Variants in PTPRT observed in about 807,000 individuals in gnomAD.
PTPRT encodes the protein receptor-type tyrosine-protein phosphatase T.
A neutral mutation model predicts 176.8 loss-of-function variants in PTPRT; 56 were observed. The observed-to-expected ratio is 0.32, with a 90% CI of 0.26 to 0.40. PTPRT has a LOEUF of 0.40. PTPRT is among the 10% of genes least tolerant of loss of function. The pLI is 1.00. For missense variants in PTPRT, 1,540 were observed against 1,908.2 expected, an observed-to-expected ratio of 0.81 and a Z score of 3.60; for synonymous variants, 783 against 739.0, an observed-to-expected ratio of 1.06 and a Z score of -0.96.
At chr20:42,755,391 T>G (rs2076816980) in intron 6 of PTPRT, among the ~76,000 whole-genome samples, 1 of 152,204 alleles carries the variant, frequency 6.6e-6, no homozygotes, top group African/African-American at 2.4e-5. Flanking sequence ...GGGTTTTTTT[T>G]GTTTGCTTTT....
rs6072729 is a variant in PTPRT, at chr20:42,402,984, G to A, written c.1560+45236C>T. Among the ~76,000 whole-genome samples, 573 of 152,182 alleles carry A rather than the reference G, an allele frequency of 3.8e-3. 4 individuals are homozygous for A. Among genetic ancestry groups the A allele is most frequent in the African/African-American group, 0.013 (534 of 41,530 alleles). On this transcript the variant is annotated intron_variant, in intron 9 of 30. Coordinates refer to ENST00000373187, the MANE Select transcript of PTPRT (RefSeq NM_007050.6). ...TATAAAAATGGCACAGTTTTAAGAAGGCAATCATTATTTAATTATTCTCAA... is the reference window on the plus strand; with the variant it reads ...TATAAAAATGGCACAGTTTTAAGAAAGCAATCATTATTTAATTATTCTCAA...
chr20:42,277,089 G>A (rs571778570), intron 13 of PTPRT, among the ~76,000 whole-genome samples: 8 of 152,098 alleles, frequency 5.3e-5, no homozygotes, highest in Admixed American at 2.6e-4. Context: ...GAACAATGGC[G>A]TTAGTCCATC....
chr20:42,989,340 G>C (rs948542711), intron 1 of PTPRT, among the ~76,000 whole-genome samples: 1 of 152,238 alleles, frequency 6.6e-6, no homozygotes, highest in Non-Finnish European at 1.5e-5. Flanking sequence ...ACAGAGATCA[G>C]GAAATATTTG....
chr20:42,119,200 TG>T (rs749732871), intron 20 of PTPRT, among the ~76,000 whole-genome samples: 26 of 152,090 alleles, frequency 1.7e-4, no homozygotes, highest in Non-Finnish European at 2.5e-4. Flanking sequence ...TATGTATATG[TG>T]TGTATTTACT....
intron 15 of PTPRT, among the ~76,000 whole-genome samples, chr20:42,201,963 G>GTGTGTGTGTGTGTGTA: frequency 6.6e-6 from 1 of 151,382 alleles, no homozygotes; most frequent in East Asian, 2.0e-4. Flanking sequence ...GTGTGTGTGT[G>GTGTGTGTGTGTGTGTA]TGTGTGTGTG....
chr20:42,098,173 A>G (rs1345313368), intron 27 of PTPRT, among the ~76,000 whole-genome samples: 1 of 152,006 alleles, frequency 6.6e-6, no homozygotes, highest in Admixed American at 6.6e-5. Context: ...GGAGCAACAG[A>G]GTCTGGTCCC....
At chr20:42,206,291 G>T (rs1017145682) in intron 15 of PTPRT, among the ~76,000 whole-genome samples, 3 of 152,238 alleles carry the variant, frequency 2.0e-5, no homozygotes, top group African/African-American at 7.2e-5. Flanking sequence ...CAAGATGGCC[G>T]AATAGGAACA....
At chr20:43,041,163 A>C (rs965986732) in intron 1 of PTPRT, among the ~76,000 whole-genome samples, 1 of 152,172 alleles carries the variant, frequency 6.6e-6, no homozygotes, top group Non-Finnish European at 1.5e-5. Flanking sequence ...AGACTCGGAG[A>C]GCTTAAATGA....
intron 12 of PTPRT, among the ~76,000 whole-genome samples, chr20:42,306,787 A>G (rs2057549645): frequency 6.6e-6 from 1 of 152,064 alleles, no homozygotes; most frequent in Admixed American, 6.5e-5. Flanking sequence ...GCATTTCTTT[A>G]CCATTCCTCC....
intron 2 of PTPRT, among the ~76,000 whole-genome samples, chr20:42,834,089 G>GA (rs57916588): frequency 6.2e-5 from 9 of 144,066 alleles, no homozygotes; most frequent in African/African-American, 1.0e-4. Flanking sequence ...CATAGGCTGG[G>GA]AAAAAAAAAT....
intron 7 of PTPRT, among the ~76,000 whole-genome samples, chr20:42,537,088 A>G (rs2072490038): frequency 6.8e-6 from 1 of 146,538 alleles, no homozygotes; most frequent in Non-Finnish European, 1.5e-5. Context: ...AGACAAGTGG[A>G]AAAAAAAAAC....
chr20:42,633,379 G>A lies in PTPRT; in HGVS notation c.1153+44487C>T, dbSNP rs115686945. On this transcript the variant is annotated intron_variant, in intron 7 of 30. Transcript: ENST00000373187. ...TTGGAAAAACACATGACTGTGCTTG[G>A]AGAACGGTATCATAGTTTTTAAGAA... is the stretch of plus-strand genomic sequence containing the variant. Among the ~76,000 whole-genome samples the A allele has an allele frequency of 5.8e-3, 880 of 152,198 alleles. 12 individuals are homozygous for A. The highest frequency in any genetic ancestry group is 0.02 in the African/African-American group (842 of 41,502).
chr20:42,684,894 C>T (rs2075665042), intron 6 of PTPRT, among the ~76,000 whole-genome samples: 3 of 152,106 alleles, frequency 2.0e-5, no homozygotes, highest in Admixed American at 6.5e-5. Flanking sequence ...ACAAATAACA[C>T]CATGGGGCAG....
intron 1 of PTPRT, among the ~76,000 whole-genome samples, chr20:42,955,845 G>A (rs1440506759): frequency 6.9e-6 from 1 of 145,390 alleles, no homozygotes; most frequent in Non-Finnish European, 1.5e-5. Context: ...GAAGGAGGGA[G>A]GGAGGGAGAA....
At chr20:43,092,431 T>C (rs966879486) in intron 1 of PTPRT, among the ~76,000 whole-genome samples, 5 of 152,242 alleles carry the variant, frequency 3.3e-5, no homozygotes, top group Non-Finnish European at 4.4e-5. Context: ...ATATGCATTG[T>C]AGTATTTAGA....
At chr20:42,326,132 A>T (rs1230994864) in intron 11 of PTPRT, among the ~76,000 whole-genome samples, 1 of 152,230 alleles carries the variant, frequency 6.6e-6, no homozygotes, top group Non-Finnish European at 1.5e-5. Context: ...AACTGTAAGC[A>T]CTGCAAATGT....
At chr20:42,154,699 C>T (rs1344184484) in intron 17 of PTPRT, among the ~76,000 whole-genome samples, 1 of 152,182 alleles carries the variant, frequency 6.6e-6, no homozygotes, top group Non-Finnish European at 1.5e-5. Context: ...TCACCTCTTC[C>T]AATTCTCCCT....
intron 9 of PTPRT, among the ~76,000 whole-genome samples, chr20:42,424,759 A>G (rs905000986): frequency 1.3e-5 from 2 of 151,204 alleles, no homozygotes; most frequent in African/African-American, 4.9e-5. Context: ...TCAGATGAGA[A>G]CACAAATATA....
At chr20:43,022,388 C>A (rs1382853741) in intron 1 of PTPRT, among the ~76,000 whole-genome samples, 1 of 152,176 alleles carries the variant, frequency 6.6e-6, no homozygotes, top group Non-Finnish European at 1.5e-5. Context: ...ACCATAGACA[C>A]CTGTGGCTTT....
Sources: gnomAD v4.1 joint callset for allele counts (sites outside exome capture counted in the v4.1 genomes callset) on GRCh38, gnomAD v4.1.1 for gene constraint, MANE v1.5 for transcripts, NCBI Gene and HGNC (gene_info 2026-07-23, HGNC 2026-07-21) for gene names.